The following GPR176 variants were observed in gnomAD, a reference collection of about 807,000 sequenced individuals.
GPR176 encodes the protein G protein-coupled receptor 176, also known as G-protein coupled receptor 176.
GPR176 carries 26 observed loss-of-function variants against 35.4 expected under a neutral mutation model. The observed-to-expected ratio is 0.74, with a 90% CI of 0.54 to 1.02. The LOEUF (loss-of-function observed/expected upper bound fraction) is 1.02, where lower values mean the gene tolerates loss of function less well. Ranked by LOEUF, GPR176 falls within the 50% of genes least tolerant of loss-of-function variation. The pLI is 0.00. For synonymous variants in GPR176, 278 were observed against 271.3 expected (o/e 1.02, Z -0.24); for missense variants, 597 against 665.3 (o/e 0.90, Z 1.13).
chr15:39,869,589 TCTC>T (rs1157135833), intron 1 of GPR176, among the ~76,000 whole-genome samples: 2 of 152,158 alleles, frequency 1.3e-5, no homozygotes, highest in East Asian at 3.8e-4. Context: ...TCTTCTCTCT[TCTC>T]CTCATCTTCA....
chr15:39,834,971 C>T (rs1438262651), intron 1 of GPR176, among the ~76,000 whole-genome samples: 2 of 152,066 alleles, frequency 1.3e-5, no homozygotes, highest in South Asian at 4.1e-4. Flanking sequence ...TAATGTATAC[C>T]TCTTACCCTA....
intron 1 of GPR176, among the ~76,000 whole-genome samples, chr15:39,910,290 A>G (rs1397267106): frequency 6.6e-6 from 1 of 152,234 alleles, no homozygotes; most frequent in Non-Finnish European, 1.5e-5. Context: ...CATCGGTATC[A>G]ATTGGTAAAA....
chr15:39,807,401 T>G lies in GPR176; in HGVS notation c.173-143A>C, dbSNP rs1595434006. 1.1e-5 allele frequency: 8 copies of G among 720,048 alleles called. No homozygotes were observed. The East Asian group carries it at 2.3e-4, about 21-fold the overall frequency. 44.6% of individuals were successfully genotyped at this position (720,048 alleles called of 1,614,324 possible). ...TTAATGTAAATCCTAATATTAAAATTTAACATATATGATACATTACAGTCA... is the reference window on the plus strand; with the variant it reads ...TTAATGTAAATCCTAATATTAAAATGTAACATATATGATACATTACAGTCA... On this transcript the variant is annotated intron_variant, in intron 1 of 2. Transcript: ENST00000561100.
intron 1 of GPR176, among the ~76,000 whole-genome samples, chr15:39,899,638 A>T (rs2140869472): frequency 6.6e-6 from 1 of 152,384 alleles, no homozygotes; most frequent in East Asian, 1.9e-4. Context: ...GGAAGGCAAG[A>T]AGTAGTCACT....
At chr15:39,848,421 A>T (rs2140803806) in intron 1 of GPR176, among the ~76,000 whole-genome samples, 1 of 152,322 alleles carries the variant, frequency 6.6e-6, no homozygotes, top group African/African-American at 2.4e-5. Context: ...CAGAAAATCT[A>T]CAAGGAAAGA....
chr15:39,870,120 C>G (rs1179208332), intron 1 of GPR176, among the ~76,000 whole-genome samples: 1 of 152,140 alleles, frequency 6.6e-6, no homozygotes, highest in Non-Finnish European at 1.5e-5. Flanking sequence ...ATCCCTTCCT[C>G]GTGTCATTCC....
At chr15:39,886,880 C>T (rs935604576) in intron 1 of GPR176, among the ~76,000 whole-genome samples, 1 of 152,076 alleles carries the variant, frequency 6.6e-6, no homozygotes, top group African/African-American at 2.4e-5. Flanking sequence ...TATCCTAATT[C>T]CTAATTTAAA....
intron 1 of GPR176, among the ~76,000 whole-genome samples, chr15:39,914,862 A>G (rs975308937): frequency 2.0e-5 from 3 of 152,356 alleles, no homozygotes; most frequent in African/African-American, 7.2e-5. Flanking sequence ...AATAATATCA[A>G]AAGCACAAGT....
In GPR176 at chr15:39,911,402, G is replaced by GT. The variant is rs1303680486; in HGVS notation, c.172+8452dup. ...AAAGTTTTTCAGTATCTCATTTATG[G>GT]TGAAGCAAGTTTTCAGTACAGGCCA... is the stretch of plus-strand genomic sequence containing the variant. On this transcript the variant is annotated intron_variant, in intron 1 of 2. Transcript: ENST00000561100. Among the ~76,000 whole-genome samples the GT allele has an allele frequency of 8.5e-5, 13 of 152,294 alleles. No homozygotes were observed. The East Asian group carries it at 2.3e-3, about 27-fold the overall frequency.
intron 1 of GPR176, chr15:39,861,002 C>T (rs544547892): frequency 6.6e-6 from 1 of 152,224 alleles, no homozygotes; most frequent in South Asian, 2.1e-4. Flanking sequence ...ACTGCAAGCC[C>T]TCTGTTCATA....
chr15:39,874,614 CATT>C (rs753971479), intron 1 of GPR176, among the ~76,000 whole-genome samples: 16 of 152,252 alleles, frequency 1.1e-4, no homozygotes, highest in Non-Finnish European at 2.2e-4. Context: ...GGGAAGTCAT[CATT>C]GTTGCTTCAC....
At chr15:39,814,515 G>A (rs1899771366) in intron 1 of GPR176, among the ~76,000 whole-genome samples, 2 of 152,082 alleles carry the variant, frequency 1.3e-5, no homozygotes. Context: ...AAATGCTTAT[G>A]GTTTCTTTCA....
chr15:39,881,254 A>G (rs2032464866), intron 1 of GPR176, among the ~76,000 whole-genome samples: 1 of 152,214 alleles, frequency 6.6e-6, no homozygotes, highest in Non-Finnish European at 1.5e-5. Context: ...TGGGGAAGCA[A>G]CTGAATCTTA....
intron 1 of GPR176, among the ~76,000 whole-genome samples, chr15:39,811,848 G>A (rs979113899): frequency 1.2e-4 from 18 of 151,988 alleles, no homozygotes; most frequent in South Asian, 2.1e-4. Flanking sequence ...CCTGGGAGGC[G>A]GAGCTTGCAG....
chr15:39,874,836 G>A (rs1369199187), intron 1 of GPR176, among the ~76,000 whole-genome samples: 1 of 152,126 alleles, frequency 6.6e-6, no homozygotes, highest in Non-Finnish European at 1.5e-5. Context: ...CTGAGGTCGG[G>A]AGTTCAAGAC....
chr15:39,918,302 G>T (rs1296364093), intron 1 of GPR176, among the ~76,000 whole-genome samples: 3 of 152,112 alleles, frequency 2.0e-5, no homozygotes, highest in African/African-American at 7.2e-5. Flanking sequence ...TTACATACAT[G>T]TCCTGTCTTC....
At chr15:39,811,314 C>A (rs1339400623) in intron 1 of GPR176, among the ~76,000 whole-genome samples, 1 of 152,044 alleles carries the variant, frequency 6.6e-6, no homozygotes, top group Non-Finnish European at 1.5e-5. Context: ...CAGATGCACG[C>A]CACTCTACCC....
intron 1 of GPR176, among the ~76,000 whole-genome samples, chr15:39,913,560 AAAAG>A (rs1310138906): frequency 1.3e-5 from 2 of 152,040 alleles, no homozygotes. Context: ...AAAAAAAGAA[AAAAG>A]AAAGAAAGAA....
intron 1 of GPR176, among the ~76,000 whole-genome samples, chr15:39,855,608 T>C (rs2031164020): frequency 6.6e-6 from 1 of 152,106 alleles, no homozygotes; most frequent in African/African-American, 2.4e-5. Context: ...GCCCCAGCAT[T>C]ATAAAGGCCA....
Sources: gnomAD v4.1 joint callset for allele counts (sites outside exome capture counted in the v4.1 genomes callset) on GRCh38, gnomAD v4.1.1 for gene constraint, MANE v1.5 for transcripts, NCBI Gene and HGNC (gene_info 2026-07-23, HGNC 2026-07-21) for gene names.